Variants in ACSM1 observed in about 807,000 individuals in gnomAD.
ACSM1 encodes acyl-coenzyme A synthetase ACSM1, mitochondrial.
Under a neutral mutation model 75.8 loss-of-function variants are expected in ACSM1, and 79 were observed. That is an observed-to-expected ratio of 1.04 (90% CI 0.87 to 1.26). The LOEUF (loss-of-function observed/expected upper bound fraction) is 1.26. Ranked by LOEUF, ACSM1 falls within the 50% of genes most tolerant of loss-of-function variation. The pLI is 0.00. For synonymous variants in ACSM1, 279 were observed against 265.8 expected, an observed-to-expected ratio of 1.05 and a Z score of -0.48; for missense variants, 676 against 720.1, an observed-to-expected ratio of 0.94 and a Z score of 0.70.
chr16:20,627,164 C>A (rs2016978636), intron 11 of ACSM1, 25 bp downstream of exon 11: 2 of 1,503,200 alleles, frequency 1.3e-6, no homozygotes, highest in Non-Finnish European at 1.8e-6. Flanking sequence ...GCAACAACAG[C>A]CAGCCCAGCA....
At chr16:20,689,491 TC>T (rs1434285054) in intron 2 of ACSM1, among the ~76,000 whole-genome samples, 3 of 151,374 alleles carry the variant, frequency 2.0e-5, no homozygotes, top group South Asian at 2.1e-4. Context: ...TGGACTAAAC[TC>T]CCCAGTCAAA....
At chr16:20,659,806 C>T (rs2019200466) in intron 7 of ACSM1, among the ~76,000 whole-genome samples, 1 of 152,152 alleles carries the variant, frequency 6.6e-6, no homozygotes, top group African/African-American at 2.4e-5. Flanking sequence ...GTTTCCTCTG[C>T]ACAATAAAAC....
intron 4 of ACSM1, chr16:20,681,893 G>A (rs1454923790): frequency 5.8e-6 from 1 of 172,090 alleles, no homozygotes; most frequent in African/African-American, 2.4e-5. Context: ...CAGGCATTGT[G>A]AAGACCCTGT....
intron 7 of ACSM1, among the ~76,000 whole-genome samples, chr16:20,657,025 A>G (rs1440948961): frequency 6.6e-6 from 1 of 152,130 alleles, no homozygotes; most frequent in Non-Finnish European, 1.5e-5. Context: ...AAAAATATAT[A>G]TATTTACTAA....
chr16:20,631,599 A>G (rs1041053355), intron 10 of ACSM1, among the ~76,000 whole-genome samples: 3 of 152,234 alleles, frequency 2.0e-5, no homozygotes, highest in African/African-American at 4.8e-5. Flanking sequence ...GCAATTGCAA[A>G]GATATGGAAC....
chr16:20,694,436 G>A (rs11642183), intron 1 of ACSM1, among the ~76,000 whole-genome samples: 93,301 of 151,566 alleles, frequency 0.62, 29,813 homozygotes, highest in Non-Finnish European at 0.72. Context: ...AAACAATATT[G>A]TAGCCAAGTT....
chr16:20,626,460 T>C (rs1848760859), intron 11 of ACSM1, among the ~76,000 whole-genome samples: 1 of 152,068 alleles, frequency 6.6e-6, no homozygotes, highest in Admixed American at 6.5e-5. Context: ...TTAAAAATCA[T>C]GTAGGGGTAG....
chr16:20,623,479 C>CT lies in ACSM1; in HGVS notation c.*6dup. The CT allele has an allele frequency of 6.2e-7, 1 of 1,613,932 alleles. No homozygotes were observed. Among genetic ancestry groups the CT allele is most frequent in the African/African-American group, 1.3e-5 (1 of 75,034 alleles). ...AGGTGTGCAGTGCGTTCTGAGTTCA[C>CT]TGCCGATTACATCTGACCAGTCTCC... On this transcript the variant is annotated 3_prime_UTR_variant, in exon 14 of 14. Transcript: ENST00000520010.
At chr16:20,635,618 T>C (rs1567251825) in intron 10 of ACSM1, among the ~76,000 whole-genome samples, 1 of 110,334 alleles carries the variant, frequency 9.1e-6, no homozygotes, top group Non-Finnish European at 2.0e-5. Flanking sequence ...CTTTCTTTCT[T>C]TCTTTCTTTC....
At chr16:20,649,882 C>T (rs927076897) in intron 7 of ACSM1, among the ~76,000 whole-genome samples, 9 of 152,058 alleles carry the variant, frequency 5.9e-5, no homozygotes, top group Admixed American at 2.0e-4. Flanking sequence ...AGGCCATGGT[C>T]GCTCATATTT....
intron 4 of ACSM1, chr16:20,680,313 T>G (rs1217318863): frequency 2.6e-5 from 4 of 152,208 alleles, no homozygotes; most frequent in African/African-American, 9.7e-5. Context: ...AGGACTCAAA[T>G]GCATCCAACC....
chr16:20,669,747 A>T, intron 6 of ACSM1, 80 bp downstream of exon 6: 1 of 1,460,178 alleles, frequency 6.8e-7, no homozygotes, highest in Admixed American at 1.9e-5. Context: ...TTTGCTTAAT[A>T]AAATATTTTT....
At chr16:20,661,410 G>T (rs573445233) in intron 7 of ACSM1, among the ~76,000 whole-genome samples, 1 of 152,258 alleles carries the variant, frequency 6.6e-6, no homozygotes, top group East Asian at 1.9e-4. Flanking sequence ...GGTCAAGATA[G>T]TTGTTTCCTT....
intron 1 of ACSM1, among the ~76,000 whole-genome samples, chr16:20,694,601 C>G (rs1241018805): frequency 6.6e-6 from 1 of 152,126 alleles, no homozygotes; most frequent in East Asian, 1.9e-4. Context: ...ACAAACTCAC[C>G]ATTTTTCCTG....
At chr16:20,633,252 T>C (rs1051944318) in intron 10 of ACSM1, among the ~76,000 whole-genome samples, 66 of 152,256 alleles carry the variant, frequency 4.3e-4, no homozygotes, top group African/African-American at 1.3e-3. Flanking sequence ...TGACCATATA[T>C]AGAAAACCCG....
In ACSM1 at chr16:20,644,471, C is replaced by A. The variant is rs138605807; in HGVS notation, c.993-3887G>T. Among the ~76,000 whole-genome samples, 4 of 151,812 alleles carry A rather than the reference C, an allele frequency of 2.6e-5. No homozygotes were observed. In the East Asian group the frequency reaches 7.7e-4, roughly 29 times the overall value. ...TTAAATCTTAATTACATACAGAGGACCGACAAGACCTAGGAGGAACTCCAT... is the reference window on the plus strand; with the variant it reads ...TTAAATCTTAATTACATACAGAGGAACGACAAGACCTAGGAGGAACTCCAT... On this transcript the variant is annotated intron_variant, in intron 7 of 13. Transcript: ENST00000520010.
chr16:20,649,037 A>G (rs2018501845), intron 7 of ACSM1, among the ~76,000 whole-genome samples: 1 of 152,222 alleles, frequency 6.6e-6, no homozygotes, highest in African/African-American at 2.4e-5. Context: ...GAAGGCTCCC[A>G]TGTATACATG....
At position 20,628,284 on chromosome 16, in the gene ACSM1, C is replaced by T. The variant is rs552496270; in HGVS notation, c.1300-968G>A. Among the ~76,000 whole-genome samples the T allele has an allele frequency of 2.6e-5, 4 of 152,212 alleles. No individual in the cohort carries two copies. The South Asian group carries it at 6.2e-4, about 24-fold the overall frequency. ...GACCTTGATACAATCCACCAGTCTT[C>T]AGATGTCCCATTTCACTTGTGTGTC... On this transcript the variant is annotated intron_variant, in intron 10 of 13. Transcript: ENST00000520010.
At chr16:20,632,515 G>A (rs971552902) in intron 10 of ACSM1, among the ~76,000 whole-genome samples, 1 of 152,192 alleles carries the variant, frequency 6.6e-6, no homozygotes, top group Non-Finnish European at 1.5e-5. Flanking sequence ...GAATAGATCT[G>A]TAACTCATAA....
Sources: allele counts gnomAD v4.1 joint callset (sites outside exome capture counted in the v4.1 genomes callset), GRCh38; gene constraint gnomAD v4.1.1; transcripts MANE v1.5; gene names NCBI Gene and HGNC (gene_info 2026-07-23, HGNC 2026-07-21).